Variants in TENM3 observed in about 807,000 individuals in gnomAD.
TENM3 encodes the protein teneurin-3.
A neutral mutation model predicts 255.1 loss-of-function variants in TENM3; 63 were observed. The observed-to-expected ratio is 0.25, with a 90% CI of 0.20 to 0.30. The LOEUF is 0.30. Ranked by LOEUF, TENM3 falls within the 10% of genes least tolerant of loss-of-function variation. The pLI, the probability that TENM3 is intolerant of heterozygous loss-of-function variation, is 1.00. For synonymous variants in TENM3, 1,306 were observed against 1,322.3 expected (o/e 0.99, Z 0.27); for missense variants, 2,929 against 3,461.1 (o/e 0.85, Z 3.86).
the TENM3 span, among the ~76,000 whole-genome samples, chr4:181,856,093 AAGG>A: frequency 6.9e-5 from 9 of 130,162 alleles, no homozygotes; most frequent in Admixed American, 1.5e-4. Flanking sequence ...GAAGGAAGGA[AAGG>A]GAAAGAAGGA....
the TENM3 span, among the ~76,000 whole-genome samples, chr4:181,939,911 A>G: frequency 6.6e-6 from 1 of 152,192 alleles, no homozygotes; most frequent in African/African-American, 2.4e-5. Flanking sequence ...CTAAATATTC[A>G]TTTCTTTTGC....
chr4:182,228,771 C>G (rs1221382809), intron 1 of TENM3, among the ~76,000 whole-genome samples: 1 of 152,146 alleles, frequency 6.6e-6, no homozygotes, highest in Admixed American at 6.5e-5. Context: ...AGAAATTCAT[C>G]CTTCACTCCT....
At chr4:181,506,757 A>G in the TENM3 span, among the ~76,000 whole-genome samples, 1 of 152,078 alleles carries the variant, frequency 6.6e-6, no homozygotes, top group Non-Finnish European at 1.5e-5. Context: ...CAGAGACTGG[A>G]AGTCAGAGAG....
At chr4:181,996,541 G>T in the TENM3 span, among the ~76,000 whole-genome samples, 1 of 152,182 alleles carries the variant, frequency 6.6e-6, no homozygotes, top group African/African-American at 2.4e-5. Flanking sequence ...ACCAGGGAGA[G>T]GAGCACTGGT....
At chr4:181,765,628 C>T in the TENM3 span, among the ~76,000 whole-genome samples, 1 of 152,124 alleles carries the variant, frequency 6.6e-6, no homozygotes, top group African/African-American at 2.4e-5. Flanking sequence ...CAAGTCAAAT[C>T]ATCATAATAT....
At chr4:182,699,983 A>G (rs554844228) in intron 12 of TENM3, among the ~76,000 whole-genome samples, 10 of 152,260 alleles carry the variant, frequency 6.6e-5, no homozygotes, top group African/African-American at 2.4e-4. Context: ...TTTATTGAAA[A>G]GTTTAGATCC....
At chr4:181,671,786 G>A in the TENM3 span, among the ~76,000 whole-genome samples, 2 of 151,916 alleles carry the variant, frequency 1.3e-5, no homozygotes, top group African/African-American at 4.8e-5. Context: ...ATGAGCAAAG[G>A]GCTTGGCACC....
rs547124082 is a variant in TENM3 at position 182,534,047 on chromosome 4, C to T, written c.512-66877C>T. Among the ~76,000 whole-genome samples, 3 of 152,236 alleles carry T rather than the reference C, an allele frequency of 2.0e-5. No individual in the cohort carries two copies. In the South Asian group the frequency reaches 6.2e-4, roughly 32 times the overall value. On this transcript the variant is annotated intron_variant, in intron 3 of 27. Coordinates refer to ENST00000511685, the MANE Select transcript of TENM3 (RefSeq NM_001080477.4). ...AAAACTAATATATGACTGGCTTGCT[C>T]ATTGATTCAGTAGATGCTTGCTTAG...
chr4:182,274,136 A>G (rs1343814309), intron 1 of TENM3, among the ~76,000 whole-genome samples: 1 of 152,260 alleles, frequency 6.6e-6, no homozygotes, highest in Non-Finnish European at 1.5e-5. Flanking sequence ...AAAGTAGAAA[A>G]TGCTAACATC....
At chr4:182,214,186 T>C (rs1229898229) in intron 1 of TENM3, among the ~76,000 whole-genome samples, 1 of 152,180 alleles carries the variant, frequency 6.6e-6, no homozygotes, top group African/African-American at 2.4e-5. Context: ...AATTTGGATG[T>C]ATCAAGGAAG....
At chr4:182,737,788 C>G (rs1247698008) in intron 17 of TENM3, among the ~76,000 whole-genome samples, 1 of 152,118 alleles carries the variant, frequency 6.6e-6, no homozygotes, top group Non-Finnish European at 1.5e-5. Context: ...TGAATTAGTT[C>G]AAATCAATCC....
At chr4:182,110,470 A>G in the TENM3 span, among the ~76,000 whole-genome samples, 1 of 151,752 alleles carries the variant, frequency 6.6e-6, no homozygotes, top group East Asian at 2.0e-4. Flanking sequence ...GACCACTGGC[A>G]TGCACCAGCT....
intron 3 of TENM3, among the ~76,000 whole-genome samples, chr4:182,528,262 C>T (rs1033597167): frequency 3.3e-5 from 5 of 152,130 alleles, no homozygotes; most frequent in Admixed American, 6.5e-5. Flanking sequence ...AGATTATAGA[C>T]ATGCACCACC....
At chr4:181,892,766 T>C in the TENM3 span, among the ~76,000 whole-genome samples, 1 of 152,126 alleles carries the variant, frequency 6.6e-6, no homozygotes, top group Admixed American at 6.6e-5. Context: ...CCCGCGGTGG[T>C]TTTTCTCATG....
the TENM3 span, among the ~76,000 whole-genome samples, chr4:181,732,100 C>T: frequency 1.1e-3 from 170 of 152,246 alleles, 1 homozygote; most frequent in African/African-American, 3.8e-3. Context: ...GCTTATGAGG[C>T]GATTTTCCCC....
chr4:181,486,670 A>G, the TENM3 span, among the ~76,000 whole-genome samples: 1 of 152,144 alleles, frequency 6.6e-6, no homozygotes, highest in Non-Finnish European at 1.5e-5. Flanking sequence ...ACAACACCAC[A>G]GTTGATGTTG....
chr4:182,152,072 C>T (rs2060646), intron 1 of TENM3, among the ~76,000 whole-genome samples: 151,527 of 152,028 alleles, frequency 1, 75,518 homozygotes, highest in Middle Eastern at 1. Context: ...GCTAATACTT[C>T]CAGAAAATTC....
At chr4:181,798,269 C>T in the TENM3 span, among the ~76,000 whole-genome samples, 5 of 151,994 alleles carry the variant, frequency 3.3e-5, no homozygotes, top group Admixed American at 2.0e-4. Flanking sequence ...AGTTGGAACC[C>T]AGCTTTCTTG....
chr4:182,125,988 A>G, the TENM3 span, among the ~76,000 whole-genome samples: 14 of 152,170 alleles, frequency 9.2e-5, no homozygotes, highest in Non-Finnish European at 1.3e-4. Context: ...TTTCCTTTGC[A>G]TCCCATTCAA....
Sources: gnomAD v4.1 joint callset for allele counts (sites outside exome capture counted in the v4.1 genomes callset) on GRCh38, gnomAD v4.1.1 for gene constraint, MANE v1.5 for transcripts, NCBI Gene and HGNC (gene_info 2026-07-23, HGNC 2026-07-21) for gene names.